Variants in RUBCN observed in about 807,000 individuals in gnomAD.
The protein encoded by RUBCN is run domain Beclin-1-interacting and cysteine-rich domain-containing protein.
RUBCN carries 74 observed loss-of-function variants against 113.2 expected under a neutral mutation model. The ratio of observed to expected loss-of-function variants is 0.65; its 90% CI spans 0.54 to 0.79. The LOEUF is 0.79. RUBCN is among the 30% of genes least tolerant of loss of function. The pLI is 0.00. For synonymous variants in RUBCN, 480 were observed against 490.0 expected (o/e 0.98, Z 0.27); for missense variants, 1,109 against 1,251.7 (o/e 0.89, Z 1.72).
chr3:197,724,800 C>T (rs928057296), intron 1 of RUBCN, among the ~76,000 whole-genome samples: 3 of 152,150 alleles, frequency 2.0e-5, no homozygotes, highest in African/African-American at 7.2e-5. Context: ...AGAAATAATA[C>T]GTTAATAGTG....
chr3:197,704,990 G>T, intron 3 of RUBCN, 102 bp downstream of exon 3: 1 of 892,518 alleles, frequency 1.1e-6, no homozygotes, highest in Non-Finnish European at 1.8e-6. Context: ...ATAGGCAACT[G>T]GACATATTCC....
At chr3:197,686,763 C>G (rs1054334167) in intron 11 of RUBCN, among the ~76,000 whole-genome samples, 3 of 152,176 alleles carry the variant, frequency 2.0e-5, no homozygotes, top group African/African-American at 7.2e-5. Context: ...AATTCTGAAA[C>G]TTTTTATTGA....
intron 1 of RUBCN, among the ~76,000 whole-genome samples, chr3:197,733,419 C>A (rs964774386): frequency 2.6e-5 from 4 of 152,154 alleles, no homozygotes; most frequent in Middle Eastern, 3.2e-3. Context: ...GAGTTTGAGG[C>A]TGCAGTGAGC....
intron 11 of RUBCN, among the ~76,000 whole-genome samples, chr3:197,686,122 C>T (rs905658871): frequency 1.3e-5 from 2 of 151,992 alleles, no homozygotes; most frequent in South Asian, 2.1e-4. Context: ...TTCTTATTTT[C>T]GTGCCAGGCT....
At position 197,670,901 on chromosome 3, in the gene RUBCN, G is replaced by A. The variant is rs186714480; in HGVS notation, c.*4117C>T. ...AGTTGCAGACAAAGTAGCTGAGGGA[G>A]AAGACAGGAGATGAGGACACGCTCA... On this transcript the variant is annotated 3_prime_UTR_variant, in exon 20 of 20. Transcript: ENST00000296343. Among the ~76,000 whole-genome samples, 49 of 152,360 alleles carry A rather than the reference G, an allele frequency of 3.2e-4. No homozygotes were observed. The highest frequency in any genetic ancestry group is 5.7e-4 in the Non-Finnish European group (39 of 68,034).
At chr3:197,728,465 C>T (rs935403416) in intron 1 of RUBCN, among the ~76,000 whole-genome samples, 1 of 151,818 alleles carries the variant, frequency 6.6e-6, no homozygotes, top group Non-Finnish European at 1.5e-5. Flanking sequence ...CAAACAGGGA[C>T]GGGAAAGAAA....
chr3:197,739,595 C>G (rs1728434134), upstream of RUBCN, among the ~76,000 whole-genome samples: 1 of 151,734 alleles, frequency 6.6e-6, no homozygotes, highest in African/African-American at 2.4e-5. Context: ...ACTCCGGAGG[C>G]TGAGGCAGGA....
Position 197,723,678 on chromosome 3 carries a change from T to C in RUBCN, c.66-5548A>G, listed in dbSNP as rs375377181. On this transcript the variant is annotated intron_variant, in intron 1 of 19. Transcript: ENST00000296343. ...TTTTTAGGATCGTTTATCCTAATGA[T>C]ATAATTATCAATATCAGAGAGTTGA... Among the ~76,000 whole-genome samples, 17 of 152,348 alleles carry C rather than the reference T, an allele frequency of 1.1e-4. No individual in the cohort carries two copies. The South Asian group carries it at 1.7e-3, about 15-fold the overall frequency.
At chr3:197,690,653 A>T (rs2108874423) in intron 11 of RUBCN, among the ~76,000 whole-genome samples, 2 of 152,358 alleles carry the variant, frequency 1.3e-5, no homozygotes, top group Middle Eastern at 6.8e-3. Context: ...TGCAAATTCA[A>T]AGTTCTAAAG....
At position 197,683,342 on chromosome 3, in the gene RUBCN, C is replaced by G; in HGVS notation, c.1945G>C (p.Glu649Gln). ...GMQLPAASELEWLVPEHDAPQ... is the reference protein window; with the variant it reads ...GMQLPAASELQWLVPEHDAPQ... Reference sequence around the variant, plus strand: ...GCATCATGCTCCGGGACAAGCCACTCCAGCTCCGAGGCGGCTGGAAGCTGC... The same window carrying G: ...GCATCATGCTCCGGGACAAGCCACTGCAGCTCCGAGGCGGCTGGAAGCTGC... The change falls in exon 13 of 20, where the codon GAG becomes CAG. Residue 649 changes from glutamate (E) to glutamine (Q), a missense_variant. Glu to Gln is a conservative substitution (Grantham distance 29, BLOSUM62 2). Transcript: ENST00000296343. The surrounding 1 kb of genome is among the most constrained non-coding windows in gnomAD (Gnocchi z 4.6). The G allele has an allele frequency of 1.9e-6, 3 of 1,614,230 alleles. No individual in the cohort carries two copies. The highest frequency in any genetic ancestry group is 2.5e-6 in the Non-Finnish European group (3 of 1,180,044).
intron 7 of RUBCN, among the ~76,000 whole-genome samples, chr3:197,698,575 A>C (rs191156335): frequency 2.6e-5 from 4 of 152,298 alleles, no homozygotes; most frequent in Non-Finnish European, 4.4e-5. Context: ...GGGAAAAAAA[A>C]CAAAAAAACA....
chr3:197,739,381 G>T (rs1728412812), upstream of RUBCN, among the ~76,000 whole-genome samples: 1 of 118,934 alleles, frequency 8.4e-6, no homozygotes. Flanking sequence ...ATAAGAGCAA[G>T]ACTTCGTCTG....
In RUBCN at chr3:197,681,399, G is replaced by C; in HGVS notation, c.2192-32C>G. 6.5e-7 allele frequency: 1 copy of C among 1,540,490 alleles called. No individual in the cohort carries two copies. Among genetic ancestry groups the C allele is most frequent in the East Asian group, 2.2e-5 (1 of 44,504 alleles). ...AAACCGGAAAGCCAGAAAGCCAGAT[G>C]TAACTTTCCCATCTACAAGCTGGGA... is the stretch of plus-strand genomic sequence containing the variant. On this transcript the variant is annotated intron_variant, in intron 15 of 19. Coordinates refer to ENST00000296343, the MANE Select transcript of RUBCN (RefSeq NM_014687.4). This position sits in a 1 kb window ranked among gnomAD's most constrained non-coding sequence, Gnocchi z 5.5.
At chr3:197,714,348 G>T (rs1337506711) in intron 2 of RUBCN, among the ~76,000 whole-genome samples, 1 of 151,904 alleles carries the variant, frequency 6.6e-6, no homozygotes, top group Non-Finnish European at 1.5e-5. Flanking sequence ...TGCTTTTTTT[G>T]TTGAGACAGG....
chr3:197,728,862 G>A (rs1727059829), intron 1 of RUBCN, among the ~76,000 whole-genome samples: 2 of 152,214 alleles, frequency 1.3e-5, no homozygotes, highest in Non-Finnish European at 1.5e-5. Context: ...AGGCAAAGAG[G>A]GAGGTATTGC....
intron 11 of RUBCN, among the ~76,000 whole-genome samples, chr3:197,692,690 T>C (rs973420568): frequency 6.6e-6 from 1 of 152,180 alleles, no homozygotes; most frequent in African/African-American, 2.4e-5. Flanking sequence ...AATGACTACC[T>C]ATTGTTGTCA....
At chr3:197,727,522 T>C (rs372763036) in intron 1 of RUBCN, among the ~76,000 whole-genome samples, 112 of 152,310 alleles carry the variant, frequency 7.4e-4, no homozygotes, top group African/African-American at 2.4e-3. Flanking sequence ...TTGTAAAGGA[T>C]TGGACAGTCT....
At chr3:197,709,589 AG>A (rs1724722041) in intron 2 of RUBCN, among the ~76,000 whole-genome samples, 1 of 152,012 alleles carries the variant, frequency 6.6e-6, no homozygotes, top group Non-Finnish European at 1.5e-5. Flanking sequence ...CATGTTGGTC[AG>A]GCTGGTCTCA....
At chr3:197,749,270 C>G in exon 1 of RUBCN, 1 of 1,056,058 alleles carries the variant, frequency 9.5e-7, no homozygotes, top group Non-Finnish European at 1.2e-6. Flanking sequence ...GGTACTTACC[C>G]CTCCCGAGGG....
Sources: gnomAD v4.1 joint callset for allele counts (sites outside exome capture counted in the v4.1 genomes callset) on GRCh38, gnomAD v4.1.1 for gene constraint, Gnocchi (gnomAD v3.1) non-coding constraint, MANE v1.5 for transcripts, NCBI Gene and HGNC (gene_info 2026-07-23, HGNC 2026-07-21) for gene names.